The following COL4A6 variants were observed in gnomAD, a reference collection of about 807,000 sequenced individuals.
The protein encoded by COL4A6 is collagen type IV alpha 6 chain.
A neutral mutation model predicts 126.7 loss-of-function variants in COL4A6; 59 were observed. The observed-to-expected ratio is 0.47, with a 90% CI of 0.38 to 0.58. The LOEUF is 0.58. Among genes scored for constraint, COL4A6 ranks in the 20% least tolerant of loss-of-function variants. The probability of loss-of-function intolerance (pLI) is 0.00; values close to 1 mark genes in which losing one functional copy is unlikely to be tolerated. For missense variants in COL4A6, 1,285 were observed against 1,337.3 expected (o/e 0.96, Z 0.61); for synonymous variants, 547 against 496.6 (o/e 1.10, Z -1.35).
intron 3 of COL4A6, among the ~76,000 whole-genome samples, chrX:108,253,497 G>A (rs1025712499): frequency 1.9e-4 from 21 of 112,162 alleles, no homozygotes; most frequent in African/African-American, 6.8e-4. Context: ...AATTGTGATT[G>A]TTAATATCCT....
chrX:108,313,990 C>G (rs1361496307), intron 2 of COL4A6, among the ~76,000 whole-genome samples: 1 of 111,862 alleles, frequency 8.9e-6, no homozygotes, highest in Non-Finnish European at 1.9e-5. Flanking sequence ...ATTTACTGGG[C>G]AGTTTTATTT....
intron 2 of COL4A6, among the ~76,000 whole-genome samples, chrX:108,323,764 C>T (rs1490685638): frequency 2.0e-4 from 22 of 112,340 alleles, no homozygotes; most frequent in African/African-American, 6.8e-4. Flanking sequence ...AACAATAGCA[C>T]TGCTAATGTT....
At chrX:108,369,059 T>G (rs2148091444) in intron 2 of COL4A6, among the ~76,000 whole-genome samples, 1 of 112,249 alleles carries the variant, frequency 8.9e-6, no homozygotes. Context: ...TAGTTTATAA[T>G]TATTACCAAG....
intron 2 of COL4A6, among the ~76,000 whole-genome samples, chrX:108,311,034 G>A (rs776779092): frequency 1.8e-5 from 2 of 111,877 alleles, no homozygotes; most frequent in South Asian, 3.7e-4. Flanking sequence ...ATAAATAGCC[G>A]GTTTGGGAAC....
intron 40 of COL4A6, chrX:108,163,660 T>C (rs752261736): frequency 1.8e-5 from 2 of 111,591 alleles, no homozygotes; most frequent in Non-Finnish European, 3.8e-5. Flanking sequence ...TTAATCTGAG[T>C]GTAAGTTGGG....
intron 23 of COL4A6, among the ~76,000 whole-genome samples, chrX:108,181,873 C>G (rs1348694128): frequency 8.9e-6 from 1 of 112,250 alleles, no homozygotes; most frequent in Admixed American, 9.4e-5. Flanking sequence ...TTCATTAAAA[C>G]AATCCCCCAA....
At chrX:108,402,859 T>C (rs1424232080) in intron 2 of COL4A6, among the ~76,000 whole-genome samples, 1 of 111,286 alleles carries the variant, frequency 9.0e-6, no homozygotes, top group East Asian at 2.8e-4. Context: ...GCCGAATACA[T>C]GCTCAATTTT....
chrX:108,272,686 A>G (rs1270915790), intron 3 of COL4A6, among the ~76,000 whole-genome samples: 1 of 110,759 alleles, frequency 9.0e-6, no homozygotes, highest in Non-Finnish European at 1.9e-5. Flanking sequence ...CTTCTCCAGA[A>G]ATGCTTTTTT....
chrX:108,435,167 C>T (rs1444654482), intron 2 of COL4A6, among the ~76,000 whole-genome samples: 2 of 111,313 alleles, frequency 1.8e-5, no homozygotes, highest in Non-Finnish European at 3.8e-5. Context: ...CTCTCCTTAC[C>T]CTCCTCCCAA....
At chrX:108,280,968 T>G (rs2037799147) in intron 3 of COL4A6, among the ~76,000 whole-genome samples, 2 of 110,940 alleles carry the variant, frequency 1.8e-5, no homozygotes, top group African/African-American at 6.6e-5. Context: ...AAACTCTCAA[T>G]AAATTAGGTG....
Position 108,188,637 on chromosome X carries a change from G to T in COL4A6, c.1467C>A (p.Asn489Lys), listed in dbSNP as rs781757715. 56 of 1,185,027 alleles carry T rather than the reference G, an allele frequency of 4.7e-5. No homozygotes were observed. The South Asian group carries it at 8.7e-4, about 18-fold the overall frequency. The change falls in exon 21 of 45, where the codon AAC (asparagine) becomes AAA (lysine). Residue 489 changes from asparagine to lysine, a missense_variant. Asn to Lys is a moderately conservative substitution (Grantham distance 94). Coordinates refer to ENST00000334504, the MANE Select transcript of COL4A6 (RefSeq NM_033641.4). Reference protein sequence around the residue: ...GFCACDGGVPNTGPPGEPGPP... With the variant: ...GFCACDGGVPKTGPPGEPGPP... ...GGCCTGGTTCCCCGGGTGGTCCAGTGTTGGGAACACCACCGTCACAAGCAC... is the reference window on the plus strand; with the variant it reads ...GGCCTGGTTCCCCGGGTGGTCCAGTTTTGGGAACACCACCGTCACAAGCAC...
intron 12 of COL4A6, among the ~76,000 whole-genome samples, chrX:108,203,221 T>A (rs2035440930): frequency 9.0e-6 from 1 of 111,344 alleles, no homozygotes; most frequent in Admixed American, 9.4e-5. Context: ...TAAAACAGAA[T>A]GTCAAATACT....
intron 3 of COL4A6, among the ~76,000 whole-genome samples, chrX:108,271,112 G>A (rs759729196): frequency 8.9e-6 from 1 of 112,441 alleles, no homozygotes; most frequent in African/African-American, 3.2e-5. Context: ...ATTTGTCAGC[G>A]TTGGTGAAGT....
Position 108,159,632 on chromosome X carries a change from C to T in COL4A6, c.4642G>A (p.Ala1548Thr), listed in dbSNP as rs766360534. The T allele has an allele frequency of 4.7e-5, 57 of 1,210,471 alleles. No homozygotes were observed. The Middle Eastern group carries it at 6.9e-4, about 15-fold the overall frequency. Residue 1548 changes from alanine to threonine, a missense_variant, in exon 44 of 45, where the codon GCC becomes ACC. Coordinates refer to ENST00000334504, the MANE Select transcript of COL4A6 (RefSeq NM_033641.4). Reference protein sequence around the residue: ...NDKSYWLSTTAPIPMMPVSQT... With the variant: ...NDKSYWLSTTTPIPMMPVSQT... The stretch of plus-strand genomic sequence containing the variant: ...CTGACGGGCATCATGGGGATAGGGG[C>T]GGTAGTGGAGAGCCAGTAAGATTTA...
intron 2 of COL4A6, among the ~76,000 whole-genome samples, chrX:108,339,051 A>T (rs1008640830): frequency 4.5e-5 from 5 of 111,901 alleles, no homozygotes; most frequent in Middle Eastern, 4.6e-3. Context: ...GCCAAAAAAA[A>T]TGTTGGGAAT....
At chrX:108,341,870 C>T (rs1004176962) in intron 2 of COL4A6, among the ~76,000 whole-genome samples, 3 of 112,079 alleles carry the variant, frequency 2.7e-5, no homozygotes, top group Non-Finnish European at 3.8e-5. Flanking sequence ...AATTAAAACA[C>T]ATTAGATAAG....
chrX:108,179,174 G>T, intron 26 of COL4A6, 43 bp downstream of exon 26: 6 of 1,125,937 alleles, frequency 5.3e-6, no homozygotes, highest in Non-Finnish European at 7.3e-6. Flanking sequence ...ATTAATATAA[G>T]GCTTTCTGTA....
chrX:108,298,062 G>A (rs999087454), intron 3 of COL4A6, among the ~76,000 whole-genome samples: 32 of 111,955 alleles, frequency 2.9e-4, no homozygotes, highest in African/African-American at 1.0e-3. Context: ...TTTACTGTGG[G>A]CCTGTTTCCC....
intron 12 of COL4A6, among the ~76,000 whole-genome samples, chrX:108,203,708 T>C (rs763448481): frequency 8.9e-6 from 1 of 112,655 alleles, no homozygotes; most frequent in East Asian, 2.8e-4. Flanking sequence ...TACACGGCCA[T>C]TCAATTACAA....
Sources: allele counts gnomAD v4.1 joint callset (sites outside exome capture counted in the v4.1 genomes callset), GRCh38; gene constraint gnomAD v4.1.1; transcripts MANE v1.5; gene names NCBI Gene and HGNC (gene_info 2026-07-23, HGNC 2026-07-21).